The following RAB38 variants were observed in gnomAD, a reference collection of about 807,000 sequenced individuals.
The protein encoded by RAB38 is ras-related protein Rab-38.
In RAB38, 15 loss-of-function variants were observed where a neutral mutation model predicts 18.4. The ratio of observed to expected loss-of-function variants is 0.82; its 90% CI spans 0.55 to 1.26. The LOEUF (loss-of-function observed/expected upper bound fraction) is 1.26, where lower values mean the gene tolerates loss of function less well. RAB38 is among the 50% of genes most tolerant of loss of function. RAB38 has a pLI of 0.00. For missense variants in RAB38, 294 were observed against 267.4 expected (o/e 1.10, Z -0.69); for synonymous variants, 101 against 104.4 (o/e 0.97, Z 0.20).
the RAB38 span, among the ~76,000 whole-genome samples, chr11:88,077,227 C>T: frequency 6.6e-6 from 1 of 151,718 alleles, no homozygotes; most frequent in African/African-American, 2.4e-5. Flanking sequence ...TGACCAAATG[C>T]ACTTTAAAGA....
chr11:88,173,981 T>C (rs1943344121), intron 1 of RAB38: 1 of 985,444 alleles, frequency 1.0e-6, no homozygotes, highest in Non-Finnish European at 1.2e-6. Flanking sequence ...TCAGCTAAAA[T>C]GAATCCATTT....
At chr11:87,976,449 T>A in the RAB38 span, among the ~76,000 whole-genome samples, 2 of 136,242 alleles carry the variant, frequency 1.5e-5, no homozygotes, top group South Asian at 2.2e-4. Context: ...TTTTTTATAT[T>A]TATAAATATA....
chr11:87,877,441 C>T, the RAB38 span, among the ~76,000 whole-genome samples: 3 of 151,468 alleles, frequency 2.0e-5, no homozygotes, highest in East Asian at 5.9e-4. Context: ...CTATGAATTT[C>T]CTCCCTCCCC....
At chr11:88,038,308 G>C in the RAB38 span, among the ~76,000 whole-genome samples, 3 of 152,098 alleles carry the variant, frequency 2.0e-5, no homozygotes, top group Non-Finnish European at 4.4e-5. Flanking sequence ...TACCATTTCA[G>C]AACCCAAGCT....
rs2134827280 is a variant in RAB38, at chr11:88,149,854, C to A, written c.304G>T (p.Ala102Ser). The A allele has an allele frequency of 6.2e-7, 1 of 1,614,010 alleles. No individual in the cohort carries two copies. Among genetic ancestry groups the A allele is most frequent in the East Asian group, 2.2e-5 (1 of 44,882 alleles). The change falls in exon 2 of 3, where the codon GCA (alanine) becomes TCA (serine). Residue 102 changes from alanine (A) to serine (S), a missense_variant. Ala to Ser is a moderately conservative substitution (Grantham distance 99). Transcript: ENST00000243662. ...VTRPATFEAV[A>S]KWKNDLDSKL... ...GAGTCCAAATCATTTTTCCACTTTG[C>A]CACTGCTTCAAATGTGGCTGGCCTG...
At chr11:87,945,260 G>T in the RAB38 span, among the ~76,000 whole-genome samples, 1 of 151,952 alleles carries the variant, frequency 6.6e-6, no homozygotes, top group East Asian at 1.9e-4. Flanking sequence ...TTTTATTTTG[G>T]CTTAAACTCG....
the RAB38 span, among the ~76,000 whole-genome samples, chr11:87,830,952 A>G: frequency 6.6e-6 from 1 of 152,024 alleles, no homozygotes; most frequent in Admixed American, 6.6e-5. Flanking sequence ...GCATGTGCCA[A>G]TCTGCCTGGC....
chr11:87,973,579 A>G, the RAB38 span, among the ~76,000 whole-genome samples: 3 of 147,136 alleles, frequency 2.0e-5, no homozygotes, highest in Non-Finnish European at 4.6e-5. Context: ...GTTAGTGAAG[A>G]GAGCTTCTGA....
chr11:88,101,006 T>A, the RAB38 span, among the ~76,000 whole-genome samples: 1 of 152,116 alleles, frequency 6.6e-6, no homozygotes, highest in Non-Finnish European at 1.5e-5. Flanking sequence ...GTTTAATCTG[T>A]TCTCCTATTG....
At chr11:88,069,507 T>G in the RAB38 span, among the ~76,000 whole-genome samples, 1 of 152,208 alleles carries the variant, frequency 6.6e-6, no homozygotes, top group African/African-American at 2.4e-5. Context: ...CCAGCTGGGC[T>G]CCTGAGTGGG....
At chr11:88,146,006 C>T (rs2134820617) in intron 2 of RAB38, among the ~76,000 whole-genome samples, 2 of 152,298 alleles carry the variant, frequency 1.3e-5, no homozygotes, top group African/African-American at 4.8e-5. Flanking sequence ...AGACTATTTT[C>T]TTTCCTTTGG....
chr11:88,172,822 T>C (rs16913594), intron 1 of RAB38, among the ~76,000 whole-genome samples: 10,612 of 152,292 alleles, frequency 0.07, 445 homozygotes, highest in Middle Eastern at 0.16. Flanking sequence ...GGCCTAGCTT[T>C]CACCCAATTC....
At chr11:87,812,400 T>A in the RAB38 span, among the ~76,000 whole-genome samples, 3 of 152,290 alleles carry the variant, frequency 2.0e-5, no homozygotes, top group Admixed American at 6.5e-5. Context: ...TCTATAAATA[T>A]ACAAAATTTG....
chr11:87,904,321 T>C, the RAB38 span, among the ~76,000 whole-genome samples: 1 of 151,846 alleles, frequency 6.6e-6, no homozygotes, highest in Non-Finnish European at 1.5e-5. Flanking sequence ...TAGCAGCCAC[T>C]TAAAGTGAGA....
the RAB38 span, among the ~76,000 whole-genome samples, chr11:87,973,365 A>C: frequency 6.6e-6 from 1 of 152,052 alleles, no homozygotes; most frequent in African/African-American, 2.4e-5. Flanking sequence ...TGCCCACCTG[A>C]TGCAAATAAC....
intron 1 of RAB38, among the ~76,000 whole-genome samples, chr11:88,152,146 AG>A (rs928662280): frequency 6.6e-6 from 1 of 152,166 alleles, no homozygotes; most frequent in Non-Finnish European, 1.5e-5. Context: ...TCAGAAAAAC[AG>A]GGGAAAAAAG....
At chr11:87,818,997 A>G in the RAB38 span, among the ~76,000 whole-genome samples, 1 of 152,214 alleles carries the variant, frequency 6.6e-6, no homozygotes, top group African/African-American at 2.4e-5. Context: ...AAATTTATAA[A>G]CTAGTAGCAT....
the RAB38 span, among the ~76,000 whole-genome samples, chr11:88,041,373 C>G: frequency 1.3e-5 from 2 of 152,156 alleles, no homozygotes; most frequent in South Asian, 4.1e-4. Context: ...CCGGAAAGAC[C>G]TTGCCTCCTT....
At chr11:87,929,897 T>C in the RAB38 span, among the ~76,000 whole-genome samples, 34 of 152,250 alleles carry the variant, frequency 2.2e-4, no homozygotes, top group African/African-American at 7.7e-4. Context: ...CATGAACTCA[T>C]CATTTTTTAT....
Sources: gnomAD v4.1 joint callset for allele counts (sites outside exome capture counted in the v4.1 genomes callset) on GRCh38, gnomAD v4.1.1 for gene constraint, MANE v1.5 for transcripts, NCBI Gene and HGNC (gene_info 2026-07-23, HGNC 2026-07-21) for gene names.